The following PLPP4 variants were observed in gnomAD, a reference collection of about 807,000 sequenced individuals.
The protein encoded by PLPP4 is phospholipid phosphatase 4.
PLPP4 carries 20 observed loss-of-function variants against 32.2 expected under a neutral mutation model. That is an observed-to-expected ratio of 0.62 (90% CI 0.44 to 0.90). The LOEUF (loss-of-function observed/expected upper bound fraction) is 0.90, where lower values mean the gene tolerates loss of function less well. Ranked by LOEUF, PLPP4 falls within the 40% of genes least tolerant of loss-of-function variation. The probability of loss-of-function intolerance (pLI) is 0.00; values close to 1 mark genes in which losing one functional copy is unlikely to be tolerated. For missense variants in PLPP4, 257 were observed against 353.1 expected, an observed-to-expected ratio of 0.73 and a Z score of 2.18; for synonymous variants, 127 against 133.0, an observed-to-expected ratio of 0.95 and a Z score of 0.31.
At chr10:120,484,042 G>A (rs1047877202) in intron 1 of PLPP4, among the ~76,000 whole-genome samples, 7 of 152,244 alleles carry the variant, frequency 4.6e-5, no homozygotes, top group East Asian at 1.9e-4. Flanking sequence ...GAGCTTCCAG[G>A]CTGGTGGAGA....
rs981177609 is a variant in PLPP4 at position 120,571,569 on chromosome 10, G to T, written c.446-3562G>T. On this transcript the variant is annotated intron_variant, in intron 5 of 6. Transcript: ENST00000398250. ...TCTTGGACAGCCTTCCTGGTTTTTTGTTGTTGTTGTTTTTTCCTCCCAGTT... is the reference window on the plus strand; with the variant it reads ...TCTTGGACAGCCTTCCTGGTTTTTTTTTGTTGTTGTTTTTTCCTCCCAGTT... 7.2e-5 allele frequency among the ~76,000 whole-genome samples: 11 copies of T among 152,080 alleles called. 1 individual carries two copies. The highest frequency in any genetic ancestry group is 4.6e-4 in the Admixed American group (7 of 15,270).
intron 5 of PLPP4, among the ~76,000 whole-genome samples, chr10:120,566,558 T>G (rs1351643001): frequency 2.0e-5 from 3 of 150,054 alleles, no homozygotes; most frequent in African/African-American, 7.3e-5. Flanking sequence ...TTTTTTTTTT[T>G]GTCAGACGGA....
At chr10:120,583,627 A>G (rs892374349) in intron 6 of PLPP4, among the ~76,000 whole-genome samples, 1 of 152,252 alleles carries the variant, frequency 6.6e-6, no homozygotes, top group African/African-American at 2.4e-5. Flanking sequence ...TCTGGCAACC[A>G]CTGATCTACT....
chr10:120,547,710 T>C (rs1369163805), intron 5 of PLPP4, among the ~76,000 whole-genome samples: 1 of 152,178 alleles, frequency 6.6e-6, no homozygotes. Context: ...GGTTGACTGC[T>C]CCAGTGTTGG....
chr10:120,566,716 G>T (rs1490705336), intron 5 of PLPP4, among the ~76,000 whole-genome samples: 1 of 151,878 alleles, frequency 6.6e-6, no homozygotes, highest in African/African-American at 2.4e-5. Flanking sequence ...CACCACGCCC[G>T]GCTAATTTTT....
chr10:120,515,500 A>T (rs1845899594), intron 3 of PLPP4, among the ~76,000 whole-genome samples: 1 of 152,138 alleles, frequency 6.6e-6, no homozygotes, highest in Non-Finnish European at 1.5e-5. Flanking sequence ...TCCTAGACAG[A>T]GTCTCTGGCT....
Position 120,503,983 on chromosome 10 carries a change from G to T in PLPP4, c.165+57G>T, listed in dbSNP as rs959626329. The T allele has an allele frequency of 2.1e-5, 25 of 1,216,180 alleles. No homozygotes were observed. In the Admixed American group the frequency reaches 4.0e-4, roughly 19 times the overall value. The allele number at this position is 1,216,180 out of a possible 1,614,324, so 75.3% of individuals were successfully genotyped here. On this transcript the variant is annotated intron_variant, in intron 2 of 6. Transcript: ENST00000398250. ...TGCTCTCTCAAAGATGAACCAAATG[G>T]GTTTTCATCTTTGTTTTTCTAACCC...
At chr10:120,509,266 A>G (rs1845629346) in intron 2 of PLPP4, among the ~76,000 whole-genome samples, 1 of 152,232 alleles carries the variant, frequency 6.6e-6, no homozygotes, top group Admixed American at 6.5e-5. Context: ...TTTATAGATA[A>G]GGAAACTGAG....
intron 5 of PLPP4, among the ~76,000 whole-genome samples, chr10:120,559,015 A>C (rs1405805104): frequency 6.6e-6 from 1 of 152,210 alleles, no homozygotes; most frequent in African/African-American, 2.4e-5. Flanking sequence ...GTCGGCACCT[A>C]ACATGGTCAG....
intron 5 of PLPP4, among the ~76,000 whole-genome samples, chr10:120,557,693 C>T (rs752938228): frequency 1.3e-5 from 2 of 152,130 alleles, no homozygotes; most frequent in Non-Finnish European, 2.9e-5. Flanking sequence ...TTGCTGCAGT[C>T]GGCATGCATA....
chr10:120,545,771 G>A (rs1449021124), intron 5 of PLPP4, among the ~76,000 whole-genome samples: 1 of 152,182 alleles, frequency 6.6e-6, no homozygotes, highest in Non-Finnish European at 1.5e-5. Flanking sequence ...TTGGGTTGAA[G>A]GATGCAAAGT....
intron 5 of PLPP4, among the ~76,000 whole-genome samples, chr10:120,560,817 G>C (rs1848399001): frequency 6.6e-6 from 1 of 152,082 alleles, no homozygotes; most frequent in Non-Finnish European, 1.5e-5. Flanking sequence ...AATTATTTTT[G>C]CACCAACCTG....
intron 5 of PLPP4, among the ~76,000 whole-genome samples, chr10:120,547,552 G>C (rs771125060): frequency 2.6e-4 from 39 of 152,152 alleles, no homozygotes; most frequent in Non-Finnish European, 2.8e-4. Flanking sequence ...GTTGCTTTCC[G>C]TTGTTTCCAT....
At chr10:120,488,091 G>T (rs557850838) in intron 1 of PLPP4, among the ~76,000 whole-genome samples, 2 of 152,300 alleles carry the variant, frequency 1.3e-5, no homozygotes, top group South Asian at 4.1e-4. Flanking sequence ...GCCTTGTGGG[G>T]TGACATTATT....
intron 5 of PLPP4, among the ~76,000 whole-genome samples, chr10:120,541,401 T>A (rs1483269365): frequency 1.3e-5 from 2 of 152,192 alleles, no homozygotes; most frequent in African/African-American, 4.8e-5. Context: ...TGTCCCCAGA[T>A]GATGGGAGAG....
chr10:120,575,032 C>A, intron 5 of PLPP4, 99 bp from the exon 6 acceptor site: 1 of 1,313,056 alleles, frequency 7.6e-7, no homozygotes, highest in Non-Finnish European at 1.1e-6. Flanking sequence ...TGGCCTTGGC[C>A]TTGGGGGTGT....
chr10:120,501,021 G>T (rs542029108), intron 1 of PLPP4, among the ~76,000 whole-genome samples: 80 of 152,218 alleles, frequency 5.3e-4, no homozygotes, highest in African/African-American at 1.8e-3. Flanking sequence ...ACTGTGTCCT[G>T]TTATAAGAAA....
chr10:120,516,066 C>T (rs1845922567), intron 3 of PLPP4, among the ~76,000 whole-genome samples: 1 of 152,140 alleles, frequency 6.6e-6, no homozygotes, highest in African/African-American at 2.4e-5. Flanking sequence ...GTTCTGTTTG[C>T]CTAAATAAAT....
In PLPP4 at chr10:120,505,062, G is replaced by T. The variant is rs570544459; in HGVS notation, c.165+1136G>T. Among the ~76,000 whole-genome samples, 18 of 152,378 alleles carry T rather than the reference G, an allele frequency of 1.2e-4. No individual in the cohort carries two copies. In the South Asian group the frequency reaches 2.1e-3, roughly 18 times the overall value. Reference sequence around the variant, plus strand: ...CTGCCTATATGCCAGGCTTTTTGCGGAGAGCTTAAGAAATGGTGGTCTAAT... The same window carrying T: ...CTGCCTATATGCCAGGCTTTTTGCGTAGAGCTTAAGAAATGGTGGTCTAAT... On this transcript the variant is annotated intron_variant, in intron 2 of 6. Coordinates refer to ENST00000398250, the MANE Select transcript of PLPP4 (RefSeq NM_001030059.3).
Sources: allele counts gnomAD v4.1 joint callset (sites outside exome capture counted in the v4.1 genomes callset), GRCh38; gene constraint gnomAD v4.1.1; transcripts MANE v1.5; gene names NCBI Gene and HGNC (gene_info 2026-07-23, HGNC 2026-07-21).